The following MAGI2 variants were observed in gnomAD, a reference collection of about 807,000 sequenced individuals.
MAGI2 encodes the protein membrane associated guanylate kinase, WW and PDZ domain containing 2, also known as membrane-associated guanylate kinase, WW and PDZ domain-containing protein 2.
In MAGI2, 35 loss-of-function variants were observed where a neutral mutation model predicts 133.3. The ratio of observed to expected loss-of-function variants is 0.26; its 90% CI spans 0.20 to 0.35. The LOEUF is 0.35. Among genes scored for constraint, MAGI2 ranks in the 10% least tolerant of loss-of-function variants. The pLI is 1.00. For synonymous variants in MAGI2, 729 were observed against 710.6 expected, an observed-to-expected ratio of 1.03 and a Z score of -0.41; for missense variants, 1,636 against 1,863.4, an observed-to-expected ratio of 0.88 and a Z score of 2.25.
intron 1 of MAGI2, among the ~76,000 whole-genome samples, chr7:79,450,700 C>A (rs1849178856): frequency 6.6e-6 from 1 of 152,106 alleles, no homozygotes; most frequent in Admixed American, 6.5e-5. Context: ...CAAGAGTGAT[C>A]TCCAACCACA....
chr7:79,230,783 G>T (rs1371387186), intron 1 of MAGI2, among the ~76,000 whole-genome samples: 3 of 151,780 alleles, frequency 2.0e-5, no homozygotes, highest in Non-Finnish European at 4.4e-5. Flanking sequence ...CTGTGCAGAA[G>T]CTCTTTAGTT....
intron 6 of MAGI2, among the ~76,000 whole-genome samples, chr7:78,395,096 C>G (rs1401304428): frequency 6.6e-6 from 1 of 152,138 alleles, no homozygotes; most frequent in African/African-American, 2.4e-5. Flanking sequence ...TTCTTGGCTT[C>G]AGGGAGAGTC....
At chr7:79,266,733 G>T (rs146241562) in intron 1 of MAGI2, among the ~76,000 whole-genome samples, 1 of 152,194 alleles carries the variant, frequency 6.6e-6, no homozygotes, top group Non-Finnish European at 1.5e-5. Flanking sequence ...TAAACAGTTG[G>T]TCAAGGTGAC....
chr7:78,318,528 C>T (rs1369172833), intron 9 of MAGI2, among the ~76,000 whole-genome samples: 1 of 152,128 alleles, frequency 6.6e-6, no homozygotes, highest in African/African-American at 2.4e-5. Context: ...AGAATGGGAC[C>T]AAGTTGGAAA....
intron 9 of MAGI2, among the ~76,000 whole-genome samples, chr7:78,314,706 A>G (rs1295833668): frequency 6.6e-6 from 1 of 152,188 alleles, no homozygotes; most frequent in Non-Finnish European, 1.5e-5. Context: ...CTCAATTATA[A>G]TAATTGTGGA....
At chr7:78,308,266 C>G (rs1159937400) in intron 9 of MAGI2, among the ~76,000 whole-genome samples, 2 of 152,176 alleles carry the variant, frequency 1.3e-5, no homozygotes, top group Non-Finnish European at 2.9e-5. Context: ...AGGTGGTTCT[C>G]AGCCTGTCTG....
chr7:78,386,824 G>T (rs73367668), intron 6 of MAGI2, among the ~76,000 whole-genome samples: 3,046 of 152,248 alleles, frequency 0.02, 91 homozygotes, highest in African/African-American at 0.069. Flanking sequence ...GAGAGCTTTA[G>T]AGGGCCCCAG....
In MAGI2 at chr7:78,483,027, T is replaced by A. The variant is rs533303082; in HGVS notation, c.1045+6734A>T. Among the ~76,000 whole-genome samples the A allele has an allele frequency of 1.6e-4, 24 of 150,620 alleles. No individual in the cohort carries two copies. The East Asian group carries it at 4.0e-3, about 25-fold the overall frequency. On this transcript the variant is annotated intron_variant, in intron 6 of 21. Transcript: ENST00000354212. ...ATACATGTATATTGTATATATGTAC[T>A]TGTATACCTGGCAAAATACAATCTG...
intron 2 of MAGI2, among the ~76,000 whole-genome samples, chr7:78,867,815 A>G (rs973888837): frequency 6.6e-6 from 1 of 152,184 alleles, no homozygotes; most frequent in Non-Finnish European, 1.5e-5. Context: ...AGCCCTTGGG[A>G]TGCGGAGAAG....
At chr7:79,407,405 T>C (rs183323499) in intron 1 of MAGI2, among the ~76,000 whole-genome samples, 22 of 152,254 alleles carry the variant, frequency 1.4e-4, no homozygotes, top group African/African-American at 5.1e-4. Flanking sequence ...ACTATGAACT[T>C]TTCCCTTTCT....
intron 3 of MAGI2, among the ~76,000 whole-genome samples, chr7:78,619,635 C>A (rs965296356): frequency 6.6e-6 from 1 of 151,792 alleles, no homozygotes; most frequent in African/African-American, 2.4e-5. Context: ...AAGCTGGGCT[C>A]AAAAAATTCC....
chr7:79,278,952 CA>C (rs1302430270), intron 1 of MAGI2, among the ~76,000 whole-genome samples: 4 of 152,118 alleles, frequency 2.6e-5, no homozygotes, highest in Non-Finnish European at 4.4e-5. Context: ...ACATAGTCTA[CA>C]ATGAGCAAAT....
chr7:78,876,092 G>A (rs971444230), intron 2 of MAGI2, among the ~76,000 whole-genome samples: 1 of 152,056 alleles, frequency 6.6e-6, no homozygotes, highest in Non-Finnish European at 1.5e-5. Flanking sequence ...GGAGGCCAAG[G>A]CAGGTGGATC....
intron 1 of MAGI2, among the ~76,000 whole-genome samples, chr7:79,171,770 A>ATATATATATATATATATATATTTT: frequency 1.9e-4 from 6 of 31,222 alleles, no homozygotes; most frequent in Non-Finnish European, 5.6e-4. Flanking sequence ...ATATATATAT[A>ATATATATATATATATATATATTTT]TTTTTTTTTT....
At chr7:78,530,432 C>G (rs528077498) in intron 3 of MAGI2, among the ~76,000 whole-genome samples, 1 of 152,080 alleles carries the variant, frequency 6.6e-6, no homozygotes, top group South Asian at 2.1e-4. Context: ...AGAAGGTAAA[C>G]AAAAAAAGAA....
At chr7:79,445,545 A>G (rs1848788794) in intron 1 of MAGI2, among the ~76,000 whole-genome samples, 2 of 152,176 alleles carry the variant, frequency 1.3e-5, no homozygotes, top group African/African-American at 4.8e-5. Flanking sequence ...CATTTATGAA[A>G]CCAAAAGACA....
rs931082342 is a variant in MAGI2 at position 79,453,422 on chromosome 7, C to G, written c.-102G>C. Reference sequence around the variant, plus strand: ...GAGCAAGGGGGCCCAGGGGGAAGAACAGCAGACTTTGCCTTCGCCCCCCTC... The same window carrying G: ...GAGCAAGGGGGCCCAGGGGGAAGAAGAGCAGACTTTGCCTTCGCCCCCCTC... On this transcript the variant is annotated 5_prime_UTR_variant, in exon 1 of 22. Coordinates refer to ENST00000354212, the MANE Select transcript of MAGI2 (RefSeq NM_012301.4). The G allele has an allele frequency of 2.7e-6, 4 of 1,504,214 alleles. No homozygotes were observed. The highest frequency in any genetic ancestry group is 2.8e-5 in the African/African-American group (2 of 71,554). The allele number at this position is 1,504,214 out of a possible 1,614,324, so 93.2% of individuals were successfully genotyped here.
chr7:79,187,307 G>A (rs1272409944), intron 1 of MAGI2, among the ~76,000 whole-genome samples: 1 of 151,634 alleles, frequency 6.6e-6, no homozygotes, highest in Non-Finnish European at 1.5e-5. Context: ...AGCATTTTAT[G>A]TTTCTTCAAA....
intron 11 of MAGI2, among the ~76,000 whole-genome samples, chr7:78,200,310 A>G (rs779814364): frequency 6.6e-6 from 1 of 152,208 alleles, no homozygotes; most frequent in Non-Finnish European, 1.5e-5. Context: ...GGCAATTAAT[A>G]GTTTCAATCT....
Sources: allele counts gnomAD v4.1 joint callset (sites outside exome capture counted in the v4.1 genomes callset), GRCh38; gene constraint gnomAD v4.1.1; transcripts MANE v1.5; gene names NCBI Gene and HGNC (gene_info 2026-07-23, HGNC 2026-07-21).